Variants in KLHL1 observed in about 807,000 individuals in gnomAD.
KLHL1 encodes the protein kelch-like protein 1.
In KLHL1, 47 loss-of-function variants were observed where a neutral mutation model predicts 77.7. The ratio of observed to expected loss-of-function variants is 0.60; its 90% CI spans 0.48 to 0.77. The LOEUF (loss-of-function observed/expected upper bound fraction) is 0.77. Ranked by LOEUF, KLHL1 falls within the 30% of genes least tolerant of loss-of-function variation. The pLI is 0.00. For missense variants in KLHL1, 925 were observed against 910.8 expected, an observed-to-expected ratio of 1.02 and a Z score of -0.20; for synonymous variants, 360 against 325.2, an observed-to-expected ratio of 1.11 and a Z score of -1.15.
At chr13:69,852,067 A>C (rs1879712034) in intron 5 of KLHL1, among the ~76,000 whole-genome samples, 1 of 151,952 alleles carries the variant, frequency 6.6e-6, no homozygotes, top group Admixed American at 6.6e-5. Flanking sequence ...TATGCATATT[A>C]TCCTGCATTT....
intron 8 of KLHL1, among the ~76,000 whole-genome samples, chr13:69,720,881 A>C (rs1873014611): frequency 6.7e-6 from 1 of 148,644 alleles, no homozygotes; most frequent in Admixed American, 6.9e-5. Flanking sequence ...TACAACAGGA[A>C]GCCATAGTGG....
intron 1 of KLHL1, among the ~76,000 whole-genome samples, chr13:69,989,892 T>C (rs1356428770): frequency 2.0e-5 from 3 of 152,000 alleles, no homozygotes; most frequent in Non-Finnish European, 2.9e-5. Context: ...AGATATAGAA[T>C]CATGTAACTT....
At chr13:69,807,287 G>T (rs570303237) in intron 6 of KLHL1, among the ~76,000 whole-genome samples, 79 of 152,186 alleles carry the variant, frequency 5.2e-4, no homozygotes, top group Admixed American at 3.0e-3. Flanking sequence ...ACTATTTTGA[G>T]AGTTTAATGC....
chr13:69,867,940 C>T (rs554381624), intron 5 of KLHL1, among the ~76,000 whole-genome samples: 54 of 151,824 alleles, frequency 3.6e-4, no homozygotes, highest in Non-Finnish European at 6.5e-4. Context: ...CAACATGAAA[C>T]ATGTATACAT....
intron 1 of KLHL1, among the ~76,000 whole-genome samples, chr13:70,018,059 A>AAG (rs397729780): frequency 6.6e-6 from 1 of 151,880 alleles, no homozygotes; most frequent in Non-Finnish European, 1.5e-5. Context: ...CGCAAAAAAA[A>AAG]GTTGAAAATT....
At chr13:69,943,741 AT>A (rs1202311090) in intron 3 of KLHL1, among the ~76,000 whole-genome samples, 2 of 152,198 alleles carry the variant, frequency 1.3e-5, no homozygotes, top group African/African-American at 4.8e-5. Flanking sequence ...TAAACTGATT[AT>A]AACACTTTTT....
intron 7 of KLHL1, among the ~76,000 whole-genome samples, chr13:69,773,013 C>G (rs571709943): frequency 2.6e-5 from 4 of 151,832 alleles, no homozygotes; most frequent in Non-Finnish European, 4.4e-5. Flanking sequence ...AGTGAGAAAG[C>G]ATTTGATGTT....
chr13:70,063,577 C>T (rs775131961), intron 1 of KLHL1, among the ~76,000 whole-genome samples: 13 of 151,740 alleles, frequency 8.6e-5, no homozygotes, highest in Non-Finnish European at 1.6e-4. Flanking sequence ...TAATATTATA[C>T]GATATCAGAA....
chr13:69,865,472 C>T (rs1383045663), intron 5 of KLHL1, among the ~76,000 whole-genome samples: 1 of 152,096 alleles, frequency 6.6e-6, no homozygotes, highest in South Asian at 2.1e-4. Context: ...AAATGATGTG[C>T]GCATTTCAAA....
At chr13:69,854,370 CT>C (rs1425289970) in intron 5 of KLHL1, among the ~76,000 whole-genome samples, 1 of 151,902 alleles carries the variant, frequency 6.6e-6, no homozygotes, top group African/African-American at 2.4e-5. Context: ...AGGTGCCAGG[CT>C]GTTTTTAACA....
chr13:69,786,032 A>G (rs1281147399), intron 7 of KLHL1, among the ~76,000 whole-genome samples: 1 of 152,096 alleles, frequency 6.6e-6, no homozygotes, highest in African/African-American at 2.4e-5. Context: ...ACCCCCCAAA[A>G]AGAGTCCAGG....
chr13:69,882,218 G>A lies in KLHL1; in HGVS notation c.1227+65C>T, dbSNP rs1459212210. 3 of 1,111,556 alleles carry A rather than the reference G, an allele frequency of 2.7e-6. No individual in the cohort carries two copies. In the South Asian group the frequency reaches 4.1e-5, roughly 15 times the overall value. The allele number at this position is 1,111,556 out of a possible 1,614,324, so 68.9% of individuals were successfully genotyped here. ...TACCTAATTAAAAATGTGTTTTGAT[G>A]TTTACTTTTAATATAGGGTTTTTCA... On this transcript the variant is annotated intron_variant, in intron 5 of 10. Transcript: ENST00000377844.
intron 4 of KLHL1, among the ~76,000 whole-genome samples, chr13:69,935,206 G>GCACC (rs1883141480): frequency 1.4e-4 from 5 of 35,002 alleles, no homozygotes; most frequent in African/African-American, 3.7e-4. Context: ...TACATAGTTG[G>GCACC]TACTGGTGAA....
At chr13:69,941,100 T>C (rs1180569744) in intron 3 of KLHL1, among the ~76,000 whole-genome samples, 1 of 152,016 alleles carries the variant, frequency 6.6e-6, no homozygotes, top group Non-Finnish European at 1.5e-5. Context: ...AACTATACCC[T>C]AAAACAAATG....
Position 70,107,661 on chromosome 13 carries a change from G to C in KLHL1, c.39C>G (p.His13Gln), listed in dbSNP as rs767770132. ...AGAGTTTCCAGCGGAGTCGCAGAAT[G>C]TGCTTCACATCGAAGTCTTTTCGCC... ...GSGRKDFDVK[H>Q]ILRLRWKLFS... The change falls in exon 1 of 11, where the codon CAC (histidine) becomes CAG (glutamine). Residue 13 changes from histidine (H) to glutamine (Q), a missense_variant. Transcript: ENST00000377844. 1.6e-5 allele frequency: 25 copies of C among 1,541,212 alleles called. No individual in the cohort carries two copies. The highest frequency in any genetic ancestry group is 1.3e-4 in the Admixed American group (6 of 47,686).
chr13:69,934,383 T>C (rs1043042173), intron 4 of KLHL1, among the ~76,000 whole-genome samples: 3 of 152,124 alleles, frequency 2.0e-5, no homozygotes, highest in Admixed American at 1.3e-4. Context: ...TTTACCTATA[T>C]GTATACACAG....
intron 6 of KLHL1, among the ~76,000 whole-genome samples, chr13:69,819,922 T>C (rs534607684): frequency 1.3e-5 from 2 of 152,352 alleles, no homozygotes; most frequent in South Asian, 4.1e-4. Flanking sequence ...CTGTTATAAA[T>C]GCCTTTGTCA....
chr13:69,934,441 T>C (rs1219455082), intron 4 of KLHL1, among the ~76,000 whole-genome samples: 2 of 152,150 alleles, frequency 1.3e-5, no homozygotes, highest in Non-Finnish European at 2.9e-5. Context: ...TCATTTATAA[T>C]GATAATTTAT....
chr13:69,990,272 T>G (rs2137311828), intron 1 of KLHL1, among the ~76,000 whole-genome samples: 1 of 152,080 alleles, frequency 6.6e-6, no homozygotes. Flanking sequence ...CAAGTCTGCA[T>G]AATAACCAGC....
Sources: allele counts gnomAD v4.1 joint callset (sites outside exome capture counted in the v4.1 genomes callset), GRCh38; gene constraint gnomAD v4.1.1; transcripts MANE v1.5; gene names NCBI Gene and HGNC (gene_info 2026-07-23, HGNC 2026-07-21).